EIF3M: variants seen among roughly 807,000 people sequenced by gnomAD.
The protein encoded by EIF3M is eukaryotic translation initiation factor 3 subunit M.
A neutral mutation model predicts 49.7 loss-of-function variants in EIF3M; 25 were observed. That is an observed-to-expected ratio of 0.50 (90% CI 0.37 to 0.70). The LOEUF is 0.70. EIF3M is among the 30% of genes least tolerant of loss of function. EIF3M has a pLI of 0.00. For missense variants in EIF3M, 350 were observed against 440.0 expected (o/e 0.80, Z 1.83); for synonymous variants, 156 against 149.8 (o/e 1.04, Z -0.30).
At chr11:32,602,242 G>A (rs1474129988) in intron 10 of EIF3M, 37 bp from the exon 11 acceptor site, 5 of 1,595,156 alleles carry the variant, frequency 3.1e-6, no homozygotes, top group Non-Finnish European at 4.3e-6. Flanking sequence ...GAGGCTAAAA[G>A]GTTGACTAAC....
At chr11:32,584,607 C>CAAAAAAAAAAAAAAA (rs796738414) in intron 1 of EIF3M, among the ~76,000 whole-genome samples, 4 of 62,304 alleles carry the variant, frequency 6.4e-5, no homozygotes, top group African/African-American at 2.4e-4. Flanking sequence ...GAGTCCCTCT[C>CAAAAAAAAAAAAAAA]AAAAAAAAAA....
rs954090769 is a variant in EIF3M at position 32,604,835 on chromosome 11, G to T, written c.*2436G>T. 1.1e-4 allele frequency: 17 copies of T among 152,090 alleles called. No individual in the cohort carries two copies. The highest frequency in any genetic ancestry group is 3.9e-4 in the African/African-American group (16 of 41,412). The allele number at this position is 152,090 out of a possible 1,614,324, so 9.4% of individuals were successfully genotyped here. A position where few individuals can be genotyped will look rare whatever the true frequency, so the allele number is the denominator to read the frequency against. On this transcript the variant is annotated 3_prime_UTR_variant, in exon 11 of 11. Coordinates refer to ENST00000531120, the MANE Select transcript of EIF3M (RefSeq NM_006360.6). ...AGTAACATTGTCATTTTCAGTGTTA[G>T]ATTATGTAGTACTAAGTTTATTTTA...
chr11:32,600,914 C>T (rs1329143792), intron 9 of EIF3M, 82 bp downstream of exon 9: 1 of 1,484,458 alleles, frequency 6.7e-7, no homozygotes, highest in Non-Finnish European at 9.0e-7. Context: ...TATCTGGAAA[C>T]TGAGCCTTAC....
intron 6 of EIF3M, chr11:32,594,169 CG>C (rs746019297): frequency 1.2e-3 from 404 of 337,144 alleles, no homozygotes; most frequent in Middle Eastern, 1.6e-3. Flanking sequence ...GTTTACCTGG[CG>C]GGGGGGGTAT....
intron 6 of EIF3M, chr11:32,594,241 C>T (rs1201948033): frequency 8.0e-6 from 2 of 250,388 alleles, no homozygotes; most frequent in African/African-American, 4.5e-5. Flanking sequence ...GGCCAATTGA[C>T]CCTAATTTTA....
chr11:32,592,473 G>T, intron 5 of EIF3M: 1 of 529,534 alleles, frequency 1.9e-6, no homozygotes, highest in Non-Finnish European at 3.7e-6. Context: ...TTCACTGTTG[G>T]ATGGGCACTG....
At position 32,603,689 on chromosome 11, in the gene EIF3M, A is replaced by G. The variant is rs931085786; in HGVS notation, c.*1290A>G. 1 of 152,190 alleles carries G rather than the reference A, an allele frequency of 6.6e-6. No individual in the cohort carries two copies. The highest frequency in any genetic ancestry group is 2.4e-5 in the African/African-American group (1 of 41,444). 9.4% of individuals were successfully genotyped at this position (152,190 alleles called of 1,614,324 possible). On this transcript the variant is annotated 3_prime_UTR_variant, in exon 11 of 11. Transcript: ENST00000531120. ...CTCCTACTACTGAATGTTTGTTTCC[A>G]GTTTATCCCTACCAAAAATTAATTC...
At chr11:32,596,178 T>G in intron 8 of EIF3M, 131 bp downstream of exon 8, 1 of 616,122 alleles carries the variant, frequency 1.6e-6, no homozygotes, top group Non-Finnish European at 2.7e-6. Flanking sequence ...TCGTGTATGA[T>G]AGAACAGCAC....
chr11:32,595,892 C>A (rs146792978), intron 7 of EIF3M, 74 bp from the exon 8 acceptor site: 1 of 1,096,106 alleles, frequency 9.1e-7, no homozygotes, highest in Admixed American at 2.5e-5. Context: ...ATAATATTTA[C>A]AATATCTTAG....
chr11:32,600,451 T>G (rs1244324206), intron 8 of EIF3M, among the ~76,000 whole-genome samples: 11 of 151,960 alleles, frequency 7.2e-5, no homozygotes, highest in Admixed American at 6.6e-4. Flanking sequence ...TGGCCGATTC[T>G]TAACTTTGAA....
chr11:32,600,948 G>A (rs1178683262), intron 9 of EIF3M, 116 bp downstream of exon 9: 11 of 1,346,822 alleles, frequency 8.2e-6, no homozygotes, highest in Non-Finnish European at 1.0e-5. Context: ...GTTTATAGCA[G>A]ATGTGTATTT....
Position 32,604,724 on chromosome 11 carries a change from C to T in EIF3M, c.*2325C>T, listed in dbSNP as rs1236306849. On this transcript the variant is annotated 3_prime_UTR_variant, in exon 11 of 11. Coordinates refer to ENST00000531120, the MANE Select transcript of EIF3M (RefSeq NM_006360.6). Reference sequence around the variant, plus strand: ...CTGTTAACTAGGCTGCAGTGATTATCATTTGTTCATAAATCTTTGTGAAGA... The same window carrying T: ...CTGTTAACTAGGCTGCAGTGATTATTATTTGTTCATAAATCTTTGTGAAGA... 6.6e-6 allele frequency: 1 copy of T among 152,190 alleles called. No homozygotes were observed. Among genetic ancestry groups the T allele is most frequent in the Non-Finnish European group, 1.5e-5 (1 of 68,032 alleles). 9.4% of individuals were successfully genotyped at this position (152,190 alleles called of 1,614,324 possible).
rs774047095 is a variant in EIF3M at position 32,595,027 on chromosome 11, C to T, written c.717+14C>T. On this transcript the variant is annotated intron_variant, in intron 7 of 10. Coordinates refer to ENST00000531120, the MANE Select transcript of EIF3M (RefSeq NM_006360.6). ...CTTATTCATGATGTAAGTAGTTTATCCTTTAATGTGAAAAATGTTCTCCTT... is the reference window on the plus strand; with the variant it reads ...CTTATTCATGATGTAAGTAGTTTATTCTTTAATGTGAAAAATGTTCTCCTT... The T allele has an allele frequency of 6.2e-7, 1 of 1,601,230 alleles. No homozygotes were observed. Among genetic ancestry groups the T allele is most frequent in the Admixed American group, 1.7e-5 (1 of 58,002 alleles).
intron 7 of EIF3M, 102 bp downstream of exon 7, chr11:32,595,115 C>A: frequency 1.0e-6 from 1 of 957,252 alleles, no homozygotes; most frequent in Non-Finnish European, 1.6e-6. Flanking sequence ...TGACTAATGG[C>A]AAGATATGGA....
intron 5 of EIF3M, chr11:32,592,174 C>T (rs1855113181): frequency 8.6e-6 from 3 of 348,350 alleles, no homozygotes; most frequent in Admixed American, 8.4e-5. Context: ...CCAAAACTAC[C>T]ATCTCCAAAG....
In EIF3M at chr11:32,587,092, T is replaced by C; in HGVS notation, c.123T>C (p.Asp41=). 1 of 1,612,924 alleles carries C rather than the reference T, an allele frequency of 6.2e-7. No individual in the cohort carries two copies. The highest frequency in any genetic ancestry group is 8.5e-7 in the Non-Finnish European group (1 of 1,179,066). The part of the protein sequence containing the change: ...EENSEGGLHV[D]LAQIIEACDV... ...ACTCGGAAGGTGGACTTCATGTTGATTTAGCTCAAATTATTGAAGCCTGTG... is the reference window on the plus strand; with the variant it reads ...ACTCGGAAGGTGGACTTCATGTTGACTTAGCTCAAATTATTGAAGCCTGTG... The change falls in exon 2 of 11, where the codon GAT becomes GAC. Residue 41 remains aspartate, a synonymous_variant. Coordinates refer to ENST00000531120, the MANE Select transcript of EIF3M (RefSeq NM_006360.6).
Position 32,583,860 on chromosome 11 carries a change from G to C in EIF3M, c.-28G>C, listed in dbSNP as rs182748354. The C allele has an allele frequency of 3.7e-6, 6 of 1,610,878 alleles. No individual in the cohort carries two copies. The highest frequency in any genetic ancestry group is 5.1e-6 in the Non-Finnish European group (6 of 1,177,984). ...TCCGGTCGGCGTGGTCTTGCGAGTG[G>C]AGTGTCCGCTGTGCCCGGGCCTGCA... On this transcript the variant is annotated 5_prime_UTR_variant, in exon 1 of 11. Coordinates refer to ENST00000531120, the MANE Select transcript of EIF3M (RefSeq NM_006360.6).
rs374872378 is a variant in EIF3M at position 32,600,805 on chromosome 11, G to A, written c.916G>A (p.Asp306Asn). The change falls in exon 9 of 11, where the codon GAT (aspartate) becomes AAT (asparagine). Residue 306 changes from aspartate (D) to asparagine (N), a missense_variant. Transcript: ENST00000531120. Reference protein sequence around the residue: ...TMQQELQIGADDVEAFVIDAV... With the variant: ...TMQQELQIGANDVEAFVIDAV... ...GCAGCAAGAACTTCAGATTGGAGCT[G>A]ATGATGTTGAAGCATTTGTTATTGA... 7 of 1,607,392 alleles carry A rather than the reference G, an allele frequency of 4.4e-6. No individual in the cohort carries two copies. The highest frequency in any genetic ancestry group is 5.9e-6 in the Non-Finnish European group (7 of 1,177,002).
At position 32,602,706 on chromosome 11, in the gene EIF3M, CAA is replaced by C. The variant is rs1818124611; in HGVS notation, c.*309_*310del. ...TTCACATTAGAAAAACTTGGAAAAGCAAAGACAAACTGTAGAGCTTTAAATAC... is the reference window on the plus strand; with the variant it reads ...TTCACATTAGAAAAACTTGGAAAAGCAGACAAACTGTAGAGCTTTAAATAC... On this transcript the variant is annotated 3_prime_UTR_variant, in exon 11 of 11. Transcript: ENST00000531120. The C allele has an allele frequency of 2.0e-6, 2 of 986,464 alleles. No homozygotes were observed. Among genetic ancestry groups the C allele is most frequent in the Non-Finnish European group, 2.9e-6 (2 of 684,884 alleles). 61.1% of individuals were successfully genotyped at this position (986,464 alleles called of 1,614,324 possible). A position where few individuals can be genotyped will look rare whatever the true frequency, so the allele number is the denominator to read the frequency against.
Sources: gnomAD v4.1 joint callset for allele counts (sites outside exome capture counted in the v4.1 genomes callset) on GRCh38, gnomAD v4.1.1 for gene constraint, MANE v1.5 for transcripts, NCBI Gene and HGNC (gene_info 2026-07-23, HGNC 2026-07-21) for gene names.